Variants in LEPR observed in about 807,000 individuals in gnomAD.
LEPR encodes the protein OB receptor.
In LEPR, 56 loss-of-function variants were observed where a neutral mutation model predicts 114.7. The observed-to-expected ratio is 0.49, with a 90% CI of 0.39 to 0.61. LEPR has a LOEUF of 0.61. LEPR is among the 20% of genes least tolerant of loss of function. The probability of loss-of-function intolerance (pLI) is 0.00; values close to 1 mark genes in which losing one functional copy is unlikely to be tolerated. For missense variants in LEPR, 1,202 were observed against 1,352.9 expected, an observed-to-expected ratio of 0.89 and a Z score of 1.75; for synonymous variants, 443 against 461.4, an observed-to-expected ratio of 0.96 and a Z score of 0.51.
In LEPR at chr1:65,520,631, GAC is replaced by G. The variant is rs549028572; in HGVS notation, c.-20-44905_-20-44904del. ...ACCCAGCGGCGCTAGAAGAATTAAAGACACACACACAGAAATATTGCATGTGG... is the reference window on the plus strand; with the variant it reads ...ACCCAGCGGCGCTAGAAGAATTAAAGACACACACAGAAATATTGCATGTGG... On this transcript the variant is annotated intron_variant, in intron 2 of 19. Coordinates refer to ENST00000349533, the MANE Select transcript of LEPR (RefSeq NM_002303.6). Among the ~76,000 whole-genome samples the G allele has an allele frequency of 9.7e-4, 147 of 151,644 alleles. 2 individuals are homozygous for G. Among genetic ancestry groups the G allele is most frequent in the Non-Finnish European group, 1.7e-3 (115 of 67,980 alleles).
rs568543862 is a variant in LEPR at position 65,422,054 on chromosome 1, G to T, written c.-97+1314G>T. On this transcript the variant is annotated intron_variant, in intron 1 of 19. Coordinates refer to ENST00000349533, the MANE Select transcript of LEPR (RefSeq NM_002303.6). ...CAGTGTTTATGTTGGGCTCAGATGCGGTGGGAGAACAGATGGTGGGTTGGA... is the reference window on the plus strand; with the variant it reads ...CAGTGTTTATGTTGGGCTCAGATGCTGTGGGAGAACAGATGGTGGGTTGGA... Among the ~76,000 whole-genome samples, 77 of 152,254 alleles carry T rather than the reference G, an allele frequency of 5.1e-4. 1 individual carries two copies. In the South Asian group the frequency reaches 0.013, roughly 25 times the overall value.
At chr1:65,491,977 T>A (rs532526707) in intron 2 of LEPR, among the ~76,000 whole-genome samples, 1 of 152,250 alleles carries the variant, frequency 6.6e-6, no homozygotes, top group Admixed American at 6.6e-5. Context: ...CCTTTTAGAA[T>A]TTAGCTAAGA....
At chr1:65,433,624 T>G (rs1646518397) in intron 2 of LEPR, 1 of 985,456 alleles carries the variant, frequency 1.0e-6, no homozygotes, top group Non-Finnish European at 1.2e-6. Context: ...GCAACGTTAT[T>G]TTTTGGCCTT....
intron 19 of LEPR, chr1:65,626,414 T>C (rs989756904): frequency 4.3e-6 from 3 of 692,656 alleles, no homozygotes; most frequent in Non-Finnish European, 5.3e-6. Flanking sequence ...TCTAATCTTA[T>C]AAATTATTTT....
At chr1:65,537,751 T>C (rs1283192556) in intron 2 of LEPR, among the ~76,000 whole-genome samples, 1 of 152,174 alleles carries the variant, frequency 6.6e-6, no homozygotes, top group Non-Finnish European at 1.5e-5. Context: ...ATTGATAATA[T>C]TTTAGGTTTA....
intron 2 of LEPR, chr1:65,432,064 A>G (rs1887285): frequency 0.09 from 121,023 of 1,350,772 alleles, 5,864 homozygotes; most frequent in Middle Eastern, 0.14. Context: ...GAAAGACTTC[A>G]TAAGTAGGAG....
In LEPR at chr1:65,638,266, G is replaced by T. The variant is rs1378848072; in HGVS notation, c.*1251G>T. The stretch of plus-strand genomic sequence containing the variant: ...ATTAAGTAGAAGTATAATGCTGGAT[G>T]AGAAATTAAGTGAGAATTGCACAGA... On this transcript the variant is annotated 3_prime_UTR_variant, in exon 20 of 20. Transcript: ENST00000349533. 1.3e-5 allele frequency: 2 copies of T among 152,120 alleles called. No individual in the cohort carries two copies. The highest frequency in any genetic ancestry group is 1.9e-4 in the East Asian group (1 of 5,196). The allele number at this position is 152,120 out of a possible 1,614,324, so 9.4% of individuals were successfully genotyped here.
intron 14 of LEPR, among the ~76,000 whole-genome samples, chr1:65,610,683 C>T (rs781289171): frequency 1.3e-5 from 2 of 152,158 alleles, no homozygotes; most frequent in Non-Finnish European, 2.9e-5. Context: ...CCCGCACACC[C>T]CAAGGGCATC....
At chr1:65,615,082 G>A (rs1166934059) in intron 14 of LEPR, among the ~76,000 whole-genome samples, 4 of 151,822 alleles carry the variant, frequency 2.6e-5, no homozygotes, top group East Asian at 1.9e-4. Context: ...TCTTTCTTGC[G>A]GTGGCTGCTA....
At position 65,592,725 on chromosome 1, in the gene LEPR, G is replaced by T; in HGVS notation, c.563G>T (p.Cys188Phe). The T allele has an allele frequency of 6.2e-7, 1 of 1,613,242 alleles. No individual in the cohort carries two copies. The highest frequency in any genetic ancestry group is 8.5e-7 in the Non-Finnish European group (1 of 1,179,462). Residue 188 changes from cysteine (C) to phenylalanine (F), a missense_variant, in exon 6 of 20, where the codon TGC (cysteine) becomes TTC (phenylalanine). Coordinates refer to ENST00000349533, the MANE Select transcript of LEPR (RefSeq NM_002303.6). ...AGTTTTCAGATGGTTCACTGCAATT[G>T]CAGTGTTCATGAATGTTGTGAATGT... is the stretch of plus-strand genomic sequence containing the variant. ...KGSFQMVHCN[C>F]SVHECCECLV... is the part of the protein sequence containing the mutation.
At chr1:65,536,155 AAG>A (rs1409298782) in intron 2 of LEPR, among the ~76,000 whole-genome samples, 2 of 152,168 alleles carry the variant, frequency 1.3e-5, no homozygotes, top group African/African-American at 4.8e-5. Flanking sequence ...CAGATCCCCA[AAG>A]AGTGGCTTGG....
chr1:65,551,422 C>T (rs1652347141), intron 2 of LEPR, among the ~76,000 whole-genome samples: 1 of 152,084 alleles, frequency 6.6e-6, no homozygotes, highest in African/African-American at 2.4e-5. Flanking sequence ...AGGGATTTGA[C>T]TTCTTCCTAG....
chr1:65,624,076 T>C lies in LEPR; in HGVS notation c.2673+1095T>C, dbSNP rs17127811. ...GACTGTATTTTATCCATCACAAATA[T>C]TTGTAGTACTCCTCCTGCTGTTCTT... On this transcript the variant is annotated intron_variant, in intron 19 of 19. Coordinates refer to ENST00000349533, the MANE Select transcript of LEPR (RefSeq NM_002303.6). Among the ~76,000 whole-genome samples, 1,320 of 152,244 alleles carry C rather than the reference T, an allele frequency of 8.7e-3. 17 individuals carry two copies. The highest frequency in any genetic ancestry group is 0.031 in the African/African-American group (1,273 of 41,546).
intron 2 of LEPR, among the ~76,000 whole-genome samples, chr1:65,504,120 C>G (rs1213737248): frequency 6.6e-6 from 1 of 152,092 alleles, no homozygotes; most frequent in Non-Finnish European, 1.5e-5. Flanking sequence ...AATAAGGTAG[C>G]AATGGATTAT....
intron 4 of LEPR, among the ~76,000 whole-genome samples, chr1:65,571,330 G>A (rs532214355): frequency 1.3e-5 from 2 of 151,102 alleles, no homozygotes; most frequent in South Asian, 4.2e-4. Flanking sequence ...ATGTACCCCT[G>A]AACTAAAAAT....
chr1:65,537,728 G>A (rs964249843), intron 2 of LEPR, among the ~76,000 whole-genome samples: 1 of 152,086 alleles, frequency 6.6e-6, no homozygotes, highest in African/African-American at 2.4e-5. Flanking sequence ...TCTGACAACT[G>A]TGTGGTGAGA....
intron 5 of LEPR, among the ~76,000 whole-genome samples, chr1:65,586,335 G>T (rs888559748): frequency 1.3e-5 from 2 of 151,984 alleles, no homozygotes; most frequent in African/African-American, 4.8e-5. Flanking sequence ...GAAATTTGAT[G>T]ATATATTTAA....
At chr1:65,564,094 T>TC (rs1653502752) in intron 2 of LEPR, among the ~76,000 whole-genome samples, 1 of 145,616 alleles carries the variant, frequency 6.9e-6, no homozygotes, top group Admixed American at 6.7e-5. Flanking sequence ...AGTTGGAGCT[T>TC]CCCGCTGCTT....
At chr1:65,572,488 A>C in intron 5 of LEPR, 39 bp downstream of exon 5, 2 of 1,549,010 alleles carry the variant, frequency 1.3e-6, no homozygotes, top group Non-Finnish European at 8.8e-7. Flanking sequence ...TCTAATACAC[A>C]GTTTTTTTAA....
Sources: gnomAD v4.1 joint callset for allele counts (sites outside exome capture counted in the v4.1 genomes callset) on GRCh38, gnomAD v4.1.1 for gene constraint, MANE v1.5 for transcripts, NCBI Gene and HGNC (gene_info 2026-07-23, HGNC 2026-07-21) for gene names.